Variants in NR3C2 observed in about 807,000 individuals in gnomAD.
NR3C2 encodes the protein nuclear receptor subfamily 3 group C member 2, also known as mineralocorticoid receptor.
Under a neutral mutation model 86.4 loss-of-function variants are expected in NR3C2, and 15 were observed. That is an observed-to-expected ratio of 0.17 (90% CI 0.12 to 0.27). NR3C2 has a LOEUF of 0.27. NR3C2 is among the 10% of genes least tolerant of loss of function. The pLI is 1.00. For synonymous variants in NR3C2, 458 were observed against 450.5 expected (o/e 1.02, Z -0.21); for missense variants, 960 against 1,195.6 (o/e 0.80, Z 2.91).
chr4:148,217,024 A>G (rs1737574455), intron 3 of NR3C2, among the ~76,000 whole-genome samples: 1 of 152,230 alleles, frequency 6.6e-6, no homozygotes, highest in Non-Finnish European at 1.5e-5. Flanking sequence ...AATTATATCA[A>G]GAGCAAAAAG....
chr4:148,412,012 C>T (rs1207541342), intron 2 of NR3C2, among the ~76,000 whole-genome samples: 2 of 152,174 alleles, frequency 1.3e-5, no homozygotes, highest in African/African-American at 2.4e-5. Context: ...GGCTATAACA[C>T]ATCCAGTTGT....
At chr4:148,320,053 C>G (rs1019621382) in intron 2 of NR3C2, among the ~76,000 whole-genome samples, 1 of 137,548 alleles carries the variant, frequency 7.3e-6, no homozygotes, top group Non-Finnish European at 1.5e-5. Context: ...TACGTCCCAT[C>G]ATTACCTAAT....
intron 3 of NR3C2, chr4:148,207,926 G>C (rs988024109): frequency 2.6e-5 from 4 of 152,066 alleles, no homozygotes; most frequent in African/African-American, 4.8e-5. Flanking sequence ...TGTAATAAAA[G>C]CTATTTGGAT....
chr4:148,121,668 C>T (rs962987915), intron 6 of NR3C2, among the ~76,000 whole-genome samples: 8 of 152,196 alleles, frequency 5.3e-5, no homozygotes, highest in Non-Finnish European at 1.0e-4. Context: ...TTTCACTACA[C>T]ATGTATGTAT....
At chr4:148,354,675 A>C (rs952775596) in intron 2 of NR3C2, among the ~76,000 whole-genome samples, 4 of 152,242 alleles carry the variant, frequency 2.6e-5, no homozygotes, top group Admixed American at 1.3e-4. Flanking sequence ...ATACAAAACA[A>C]TAATGGAAGA....
intron 2 of NR3C2, among the ~76,000 whole-genome samples, chr4:148,334,014 G>A (rs1456492555): frequency 1.3e-5 from 2 of 152,016 alleles, no homozygotes; most frequent in Admixed American, 1.3e-4. Flanking sequence ...ATTAGAAAAC[G>A]AATTGTGAAG....
intron 2 of NR3C2, among the ~76,000 whole-genome samples, chr4:148,371,935 A>T (rs1463821465): frequency 6.6e-6 from 1 of 152,232 alleles, no homozygotes; most frequent in East Asian, 1.9e-4. Flanking sequence ...TATGCCCTTG[A>T]TTTTTTTCAT....
At chr4:148,146,140 G>A (rs1395679970) in intron 6 of NR3C2, among the ~76,000 whole-genome samples, 1 of 152,040 alleles carries the variant, frequency 6.6e-6, no homozygotes, top group Non-Finnish European at 1.5e-5. Flanking sequence ...TGAAGGAGGA[G>A]CTGACCAGGT....
At chr4:148,145,984 GAAGAA>G (rs1205210835) in intron 6 of NR3C2, among the ~76,000 whole-genome samples, 1 of 152,062 alleles carries the variant, frequency 6.6e-6, no homozygotes, top group Admixed American at 6.5e-5. Context: ...GGAGAAGTGA[GAAGAA>G]AAGGGAGGAG....
intron 2 of NR3C2, among the ~76,000 whole-genome samples, chr4:148,314,488 A>G (rs1422675895): frequency 2.6e-5 from 4 of 152,158 alleles, no homozygotes; most frequent in Admixed American, 2.0e-4. Context: ...AAGTAAAATT[A>G]TATCTTACAT....
chr4:148,175,632 CTAAT>C (rs1384885270), intron 4 of NR3C2, among the ~76,000 whole-genome samples: 2 of 152,104 alleles, frequency 1.3e-5, no homozygotes, highest in Non-Finnish European at 2.9e-5. Context: ...CATTATATAT[CTAAT>C]TAACATATGA....
intron 2 of NR3C2, among the ~76,000 whole-genome samples, chr4:148,307,818 G>T (rs1294146027): frequency 4.0e-5 from 6 of 151,518 alleles, no homozygotes; most frequent in African/African-American, 1.2e-4. Context: ...GGCAAAAAGA[G>T]CCAGTATAAA....
At chr4:148,306,921 T>C (rs1304207956) in intron 2 of NR3C2, among the ~76,000 whole-genome samples, 1 of 152,196 alleles carries the variant, frequency 6.6e-6, no homozygotes, top group Admixed American at 6.5e-5. Flanking sequence ...GTGTCTCTTT[T>C]AATAGAATTA....
intron 4 of NR3C2, among the ~76,000 whole-genome samples, chr4:148,156,343 A>G (rs1734385501): frequency 6.6e-6 from 1 of 152,188 alleles, no homozygotes; most frequent in Non-Finnish European, 1.5e-5. Flanking sequence ...AAATGGGAGA[A>G]AATTTTTGCA....
chr4:148,127,170 G>T (rs1437777715), intron 6 of NR3C2, among the ~76,000 whole-genome samples: 1 of 152,094 alleles, frequency 6.6e-6, no homozygotes, highest in Non-Finnish European at 1.5e-5. Flanking sequence ...GAAATTTCAA[G>T]AAAATAGGTC....
chr4:148,192,130 G>A (rs541606487), intron 4 of NR3C2, among the ~76,000 whole-genome samples: 19 of 152,260 alleles, frequency 1.2e-4, no homozygotes, highest in Non-Finnish European at 2.5e-4. Context: ...TCAGAGGGAC[G>A]GTCTAGGGCT....
intron 3 of NR3C2, among the ~76,000 whole-genome samples, chr4:148,257,987 T>C (rs1174731312): frequency 6.6e-6 from 1 of 152,150 alleles, no homozygotes; most frequent in East Asian, 1.9e-4. Flanking sequence ...ATAACTGAGT[T>C]ATAAAAATAA....
At chr4:148,398,516 T>A (rs780055239) in intron 2 of NR3C2, among the ~76,000 whole-genome samples, 1 of 152,226 alleles carries the variant, frequency 6.6e-6, no homozygotes, top group South Asian at 2.1e-4. Flanking sequence ...TGAATTTGTA[T>A]ACCACCTTAA....
intron 3 of NR3C2, among the ~76,000 whole-genome samples, chr4:148,256,699 G>A (rs901656105): frequency 6.6e-6 from 1 of 152,066 alleles, no homozygotes; most frequent in Non-Finnish European, 1.5e-5. Flanking sequence ...TTTAAGACAG[G>A]AAGGTTCTGA....
Sources: allele counts gnomAD v4.1 joint callset (sites outside exome capture counted in the v4.1 genomes callset), GRCh38; gene constraint gnomAD v4.1.1; transcripts MANE v1.5; gene names NCBI Gene and HGNC (gene_info 2026-07-23, HGNC 2026-07-21).